Variants in MROH9 observed in about 807,000 individuals in gnomAD.
The protein encoded by MROH9 is maestro heat like repeat family member 9, also known as maestro heat-like repeat-containing protein family member 9.
MROH9 carries 92 observed loss-of-function variants against 98.2 expected under a neutral mutation model. The observed-to-expected ratio is 0.94, with a 90% confidence interval of 0.79 to 1.11. MROH9 has a LOEUF of 1.11. Ranked by LOEUF, MROH9 falls within the 50% of genes most tolerant of loss-of-function variation. MROH9 has a pLI of 0.00. For synonymous variants in MROH9, 397 were observed against 368.9 expected (o/e 1.08, Z -0.87); for missense variants, 1,057 against 1,014.8 (o/e 1.04, Z -0.57).
In MROH9 at chr1:170,989,987, C is replaced by T. The variant is rs1292058120; in HGVS notation, c.1012C>T (p.Pro338Ser). ...GGTCATCTTTCAACTTATGGACTACCCAGTTCCAGCAGACGAGTAAGGCCC... is the reference window on the plus strand; with the variant it reads ...GGTCATCTTTCAACTTATGGACTACTCAGTTCCAGCAGACGAGTAAGGCCC... ...KKVIFQLMDYPVPADDTLIQM... is the reference protein window; with the variant it reads ...KKVIFQLMDYSVPADDTLIQM... The change falls in exon 11 of 22, where the codon CCA (proline) becomes TCA (serine). Residue 338 changes from proline to serine, a missense_variant. Pro to Ser is a moderately conservative substitution (Grantham distance 74, BLOSUM62 -1). Coordinates refer to ENST00000367759, the MANE Select transcript of MROH9 (RefSeq NM_001163629.2). 3 of 1,611,236 alleles carry T rather than the reference C, an allele frequency of 1.9e-6. No homozygotes were observed. In the Admixed American group the frequency reaches 5.0e-5, roughly 27 times the overall value.
chr1:170,978,658 G>C (rs542869260), intron 8 of MROH9, among the ~76,000 whole-genome samples: 2 of 152,220 alleles, frequency 1.3e-5, no homozygotes, highest in East Asian at 3.9e-4. Flanking sequence ...GTTGACTCTG[G>C]GATTTTCTAC....
chr1:171,056,499 G>A (rs916182815), intron 20 of MROH9, among the ~76,000 whole-genome samples: 5 of 152,196 alleles, frequency 3.3e-5, no homozygotes, highest in African/African-American at 9.7e-5. Context: ...CCCTGGGCCT[G>A]AGCCTCTAGT....
intron 7 of MROH9, 67 bp downstream of exon 7, chr1:170,965,322 T>C: frequency 9.0e-7 from 1 of 1,111,790 alleles, no homozygotes; most frequent in Non-Finnish European, 1.4e-6. Context: ...CTGCTTTCCA[T>C]GTCTTGGGTC....
Position 170,978,502 on chromosome 1 carries a change from C to T in MROH9, c.617-4920C>T, listed in dbSNP as rs77069533. Among the ~76,000 whole-genome samples the T allele has an allele frequency of 3.6e-3, 551 of 151,754 alleles. 1 individual carries two copies. The highest frequency in any genetic ancestry group is 0.013 in the African/African-American group (533 of 41,372). ...GTGAGGAGTGGGGGTTGGGTATTTC[C>T]AGGGAATAAGGGCTAGACTCCTTTT... On this transcript the variant is annotated intron_variant, in intron 8 of 21. Transcript: ENST00000367759.
chr1:171,026,791 A>T (rs1652727528), intron 20 of MROH9, among the ~76,000 whole-genome samples: 1 of 152,234 alleles, frequency 6.6e-6, no homozygotes, highest in Non-Finnish European at 1.5e-5. Context: ...GATAGAGCAG[A>T]TGAAAGTTAT....
chr1:170,941,201 T>C (rs1649107516), intron 1 of MROH9, among the ~76,000 whole-genome samples: 1 of 152,062 alleles, frequency 6.6e-6, no homozygotes, highest in African/African-American at 2.4e-5. Context: ...GGTCTGATTA[T>C]TTCCTTTCCC....
At chr1:170,998,478 A>G (rs1239185802) in intron 15 of MROH9, 6 of 1,510,852 alleles carry the variant, frequency 4.0e-6, no homozygotes, top group Non-Finnish European at 5.3e-6. Flanking sequence ...AGCTTTCCCC[A>G]GCAGTTGGTT....
chr1:170,964,351 GC>G (rs1187870729), intron 6 of MROH9, among the ~76,000 whole-genome samples: 32 of 130,126 alleles, frequency 2.5e-4, no homozygotes, highest in African/African-American at 9.9e-4. Flanking sequence ...AAAGGACAAG[GC>G]AGAGAGGCTG....
At chr1:170,958,660 G>T in intron 4 of MROH9, 120 bp downstream of exon 4, 1 of 657,348 alleles carries the variant, frequency 1.5e-6, no homozygotes. Context: ...ATCATAATTT[G>T]GTGACTACTA....
intron 20 of MROH9, among the ~76,000 whole-genome samples, chr1:171,035,942 A>T (rs932643903): frequency 6.6e-6 from 1 of 152,186 alleles, no homozygotes; most frequent in Non-Finnish European, 1.5e-5. Context: ...TGTGTTCACA[A>T]AAGATATGTA....
chr1:171,015,590 G>C (rs1454490974), intron 16 of MROH9, among the ~76,000 whole-genome samples: 4 of 151,386 alleles, frequency 2.6e-5, no homozygotes, highest in Admixed American at 6.6e-5. Flanking sequence ...CTTCTATTCT[G>C]TTTGGTTCTG....
At chr1:170,965,734 A>G (rs1650211480) in intron 7 of MROH9, among the ~76,000 whole-genome samples, 1 of 152,132 alleles carries the variant, frequency 6.6e-6, no homozygotes, top group Non-Finnish European at 1.5e-5. Context: ...TAGCCATGTC[A>G]GCATGATGTG....
intron 12 of MROH9, 38 bp from the exon 13 acceptor site, chr1:170,995,351 A>G: frequency 6.2e-7 from 1 of 1,610,814 alleles, no homozygotes; most frequent in Non-Finnish European, 8.5e-7. Flanking sequence ...TTAGAGAAAA[A>G]TGTTTACATT....
chr1:170,945,549 C>G lies in MROH9; in HGVS notation c.-8C>G. On this transcript the variant is annotated 5_prime_UTR_variant, in exon 2 of 22. Transcript: ENST00000367759. ...ACTAGTAGAAGACTTTAATACACCT[C>G]TGTCAGCATGTTGACAAGGAATCCA... is the stretch of plus-strand genomic sequence containing the variant. The G allele has an allele frequency of 6.2e-7, 1 of 1,612,134 alleles. No homozygotes were observed. Among genetic ancestry groups the G allele is most frequent in the Non-Finnish European group, 8.5e-7 (1 of 1,178,816 alleles).
At chr1:170,984,618 G>GT (rs1464196262) in intron 9 of MROH9, among the ~76,000 whole-genome samples, 1 of 152,166 alleles carries the variant, frequency 6.6e-6, no homozygotes, top group Non-Finnish European at 1.5e-5. Flanking sequence ...CCAGCAGTCT[G>GT]TTGGGGCCTC....
Position 171,063,475 on chromosome 1 carries a change from A to G in MROH9, c.2345-624A>G, listed in dbSNP as rs138674238. Reference sequence around the variant, plus strand: ...CACCGTGTTAGCCAGGATGGTCTCGATCTCCTGACCCCGAGATCCACCTGC... The same window carrying G: ...CACCGTGTTAGCCAGGATGGTCTCGGTCTCCTGACCCCGAGATCCACCTGC... On this transcript the variant is annotated intron_variant, in intron 21 of 21. Coordinates refer to ENST00000367759, the MANE Select transcript of MROH9 (RefSeq NM_001163629.2). 7.2e-3 allele frequency among the ~76,000 whole-genome samples: 1,099 copies of G among 151,726 alleles called. 20 individuals are homozygous for G. Among genetic ancestry groups the G allele is most frequent in the East Asian group, 0.062 (316 of 5,134 alleles).
At chr1:170,967,202 C>T (rs61815979) in intron 7 of MROH9, among the ~76,000 whole-genome samples, 5 of 152,068 alleles carry the variant, frequency 3.3e-5, no homozygotes, top group Non-Finnish European at 2.9e-5. Flanking sequence ...AGAAACCCAA[C>T]GGAATAACCT....
chr1:171,021,104 T>C (rs1418441472), intron 17 of MROH9, among the ~76,000 whole-genome samples: 1 of 151,982 alleles, frequency 6.6e-6, no homozygotes, highest in African/African-American at 2.4e-5. Context: ...CTCAAGGAAA[T>C]CAGAGAGGAC....
At chr1:171,030,904 T>C (rs1652884103) in intron 20 of MROH9, among the ~76,000 whole-genome samples, 1 of 152,214 alleles carries the variant, frequency 6.6e-6, no homozygotes. Context: ...CCCACTATTA[T>C]TGTGTGGAAG....
Sources: allele counts gnomAD v4.1 joint callset (sites outside exome capture counted in the v4.1 genomes callset), GRCh38; gene constraint gnomAD v4.1.1; transcripts MANE v1.5; gene names NCBI Gene and HGNC (gene_info 2026-07-23, HGNC 2026-07-21).